Variants in AFAP1L2 observed in about 807,000 individuals in gnomAD.
AFAP1L2 encodes the protein actin filament-associated protein 1-like 2.
In AFAP1L2, 46 loss-of-function variants were observed where a neutral mutation model predicts 99.3. That is an observed-to-expected ratio of 0.46 (90% CI 0.37 to 0.59). The LOEUF (loss-of-function observed/expected upper bound fraction) is 0.59. Among genes scored for constraint, AFAP1L2 ranks in the 20% least tolerant of loss-of-function variants. The pLI is 0.00. For synonymous variants in AFAP1L2, 397 were observed against 419.1 expected (o/e 0.95, Z 0.64); for missense variants, 959 against 1,034.9 (o/e 0.93, Z 1.01).
chr10:114,385,756 G>T (rs1030630942), intron 1 of AFAP1L2, among the ~76,000 whole-genome samples: 2 of 152,184 alleles, frequency 1.3e-5, no homozygotes, highest in Non-Finnish European at 2.9e-5. Context: ...CCTAGCTCAG[G>T]CAAACAAGTT....
chr10:114,386,650 C>T (rs1325861818), intron 1 of AFAP1L2, among the ~76,000 whole-genome samples: 2 of 152,168 alleles, frequency 1.3e-5, no homozygotes. Flanking sequence ...CGGAACTGCA[C>T]CTGCTCCACA....
At chr10:114,284,487 G>A in the AFAP1L2 span, among the ~76,000 whole-genome samples, 5 of 152,300 alleles carry the variant, frequency 3.3e-5, no homozygotes, top group East Asian at 1.9e-4. Context: ...AGGTGCAGAG[G>A]CCATTAAGAC....
At chr10:114,325,570 AC>A (rs1305566663) in intron 4 of AFAP1L2, among the ~76,000 whole-genome samples, 2 of 152,240 alleles carry the variant, frequency 1.3e-5, no homozygotes, top group African/African-American at 4.8e-5. Flanking sequence ...GAATTTGGTC[AC>A]TTCATAAGCA....
At chr10:114,329,491 A>T (rs1041486981) in intron 4 of AFAP1L2, among the ~76,000 whole-genome samples, 15 of 152,198 alleles carry the variant, frequency 9.9e-5, no homozygotes, top group Admixed American at 2.6e-4. Flanking sequence ...GGGGCAGAAG[A>T]TGGCACTTCC....
At position 114,295,794 on chromosome 10, in the gene AFAP1L2, A is replaced by G. The variant is rs542022010; in HGVS notation, c.*248T>C. 9.6e-5 allele frequency: 123 copies of G among 1,283,656 alleles called. No homozygotes were observed. The Middle Eastern group carries it at 1.4e-3, about 15-fold the overall frequency. 79.5% of individuals were successfully genotyped at this position (1,283,656 alleles called of 1,614,324 possible). ...AAAGAAAGAAACACAGAACATCCCT[A>G]AATACAACGTCTTGTTTACATCCAA... On this transcript the variant is annotated 3_prime_UTR_variant, in exon 19 of 19. Transcript: ENST00000304129.
the AFAP1L2 span, among the ~76,000 whole-genome samples, chr10:114,287,601 C>T: frequency 1.3e-5 from 2 of 152,148 alleles, no homozygotes; most frequent in African/African-American, 2.4e-5. Flanking sequence ...TCCTGTAAGG[C>T]GGAAGGACAG....
At chr10:114,353,200 G>A (rs1421110610) in intron 1 of AFAP1L2, among the ~76,000 whole-genome samples, 4 of 152,166 alleles carry the variant, frequency 2.6e-5, no homozygotes, top group African/African-American at 9.7e-5. Context: ...TGGGGGTTGA[G>A]CTGCTAGAAT....
intron 10 of AFAP1L2, among the ~76,000 whole-genome samples, chr10:114,305,760 A>G (rs1247822355): frequency 1.7e-5 from 2 of 117,308 alleles, no homozygotes; most frequent in Non-Finnish European, 3.5e-5. Flanking sequence ...GTGCACGTAC[A>G]GGACTGGTCG....
chr10:114,345,194 G>C (rs2049354796), intron 1 of AFAP1L2, among the ~76,000 whole-genome samples: 1 of 145,250 alleles, frequency 6.9e-6, no homozygotes. Flanking sequence ...CAGTGGCTCT[G>C]TGTATCGGGG....
At chr10:114,379,047 C>T (rs55783931) in intron 1 of AFAP1L2, among the ~76,000 whole-genome samples, 1 of 121,598 alleles carries the variant, frequency 8.2e-6, no homozygotes, top group Non-Finnish European at 1.9e-5. Flanking sequence ...CCCGTCCCTA[C>T]TAAAAATACA....
At chr10:114,291,556 C>G (rs1350759354), downstream of AFAP1L2, 1 of 333,604 alleles carries the variant, frequency 3.0e-6, no homozygotes, top group Admixed American at 4.6e-5. Context: ...CCACCTTTCC[C>G]TTGAGGATAA....
Position 114,327,147 on chromosome 10 carries a change from T to TTATATTTATA in AFAP1L2, c.316-3887_316-3886insTATAAATATA, listed in dbSNP as rs1554902751. ...TGAAGACCGTGAATTTTATATATAT[T>TTATATTTATA]TATATATATATATATATATATATAT... On this transcript the variant is annotated intron_variant, in intron 4 of 18. Transcript: ENST00000304129. 2.0e-4 allele frequency among the ~76,000 whole-genome samples: 11 copies of TTATATTTATA among 54,534 alleles called. 1 individual carries two copies. Among genetic ancestry groups the TTATATTTATA allele is most frequent in the South Asian group, 1.2e-3 (2 of 1,606 alleles). The allele number at this position is 54,534 out of a possible 152,430, so 35.8% of individuals were successfully genotyped here. A position where few individuals can be genotyped will look rare whatever the true frequency, so the allele number is the denominator to read the frequency against.
chr10:114,345,132 G>T (rs1383947336), intron 1 of AFAP1L2, among the ~76,000 whole-genome samples: 1 of 150,932 alleles, frequency 6.6e-6, no homozygotes, highest in Non-Finnish European at 1.5e-5. Context: ...AAAAAGGGAT[G>T]AGATGCTCAG....
intron 1 of AFAP1L2, among the ~76,000 whole-genome samples, chr10:114,347,685 A>AT (rs2136113034): frequency 6.6e-6 from 1 of 152,068 alleles, no homozygotes; most frequent in South Asian, 2.1e-4. Context: ...TAATTTTTAA[A>AT]TTTTTTGTAG....
rs1283821681 is a variant in AFAP1L2, at chr10:114,315,744, C to G, written c.428G>C (p.Ser143Thr). The change falls in exon 6 of 19, where the codon AGC becomes ACC. Residue 143 changes from serine (S) to threonine (T), a missense_variant. By Grantham distance (58) the Ser-to-Thr change is moderately conservative. Transcript: ENST00000304129. ...CTCTTCATCGTAGGACTCGTAGGAG[C>G]TGCTCACAGCCTCTCCGTCCTCTGC... ...SLNEDGEAVS[S>T]SYESYDEEDG... 1 of 1,612,686 alleles carries G rather than the reference C, an allele frequency of 6.2e-7. No homozygotes were observed. The highest frequency in any genetic ancestry group is 1.1e-5 in the South Asian group (1 of 90,842).
intron 1 of AFAP1L2, among the ~76,000 whole-genome samples, chr10:114,388,971 G>C (rs565623409): frequency 6.6e-6 from 1 of 152,122 alleles, no homozygotes; most frequent in Non-Finnish European, 1.5e-5. Flanking sequence ...CAACATCCAG[G>C]GCATGAGAAA....
At chr10:114,336,077 A>T (rs1323647662) in intron 2 of AFAP1L2, among the ~76,000 whole-genome samples, 1 of 152,314 alleles carries the variant, frequency 6.6e-6, no homozygotes, top group East Asian at 1.9e-4. Flanking sequence ...GATGATTTGT[A>T]AGTTGCAGAG....
intron 1 of AFAP1L2, among the ~76,000 whole-genome samples, chr10:114,352,258 G>A (rs908527613): frequency 3.9e-5 from 6 of 151,966 alleles, no homozygotes; most frequent in African/African-American, 1.5e-4. Context: ...GATCACCTGA[G>A]GTCAGGACTT....
At chr10:114,319,680 A>C (rs1400255249) in intron 5 of AFAP1L2, 1 of 1,275,526 alleles carries the variant, frequency 7.8e-7, no homozygotes, top group Non-Finnish European at 1.0e-6. Flanking sequence ...CAGAGGGAAG[A>C]GAAGAGAGAC....
Sources: allele counts gnomAD v4.1 joint callset (sites outside exome capture counted in the v4.1 genomes callset), GRCh38; gene constraint gnomAD v4.1.1; transcripts MANE v1.5; gene names NCBI Gene and HGNC (gene_info 2026-07-23, HGNC 2026-07-21).